IFT43: variants seen among roughly 807,000 people sequenced by gnomAD.
The protein encoded by IFT43 is intraflagellar transport 43.
A neutral mutation model predicts 32.3 loss-of-function variants in IFT43; 33 were observed. The observed-to-expected ratio is 1.02, with a 90% CI of 0.77 to 1.37. The LOEUF is 1.37. Among genes scored for constraint, IFT43 ranks in the 40% most tolerant of loss-of-function variants. The probability of loss-of-function intolerance (pLI) is 0.00; values close to 1 mark genes in which losing one functional copy is unlikely to be tolerated. For synonymous variants in IFT43, 93 were observed against 98.2 expected (o/e 0.95, Z 0.31); for missense variants, 274 against 265.9 (o/e 1.03, Z -0.21).
chr14:75,999,282 T>A (rs1402152439), intron 2 of IFT43, among the ~76,000 whole-genome samples: 2 of 26,548 alleles, frequency 7.5e-5, no homozygotes, highest in Non-Finnish European at 1.3e-4. Context: ...TGTATATATA[T>A]TTTTTTTTTT....
chr14:75,990,422 A>C (rs2035614431), intron 2 of IFT43, among the ~76,000 whole-genome samples: 1 of 152,170 alleles, frequency 6.6e-6, no homozygotes, highest in Non-Finnish European at 1.5e-5. Flanking sequence ...TTGTATTCTA[A>C]TTGTTTACAT....
At chr14:76,067,716 A>G (rs886332849) in intron 5 of IFT43, among the ~76,000 whole-genome samples, 4 of 152,210 alleles carry the variant, frequency 2.6e-5, no homozygotes, top group Non-Finnish European at 4.4e-5. Flanking sequence ...TATTTACAAG[A>G]CCATGACCAG....
intron 4 of IFT43, chr14:76,059,000 A>G: frequency 2.1e-6 from 3 of 1,427,336 alleles, no homozygotes; most frequent in Non-Finnish European, 2.7e-6. Flanking sequence ...TTGCCTTCTC[A>G]TAAGACTTAT....
At chr14:76,083,363 T>C in intron 8 of IFT43, 74 bp downstream of exon 8, 2 of 1,612,100 alleles carry the variant, frequency 1.2e-6, no homozygotes, top group Non-Finnish European at 1.7e-6. Context: ...CGGGCTGGCC[T>C]GTGCCTCCCT....
chr14:76,043,734 A>T (rs1045979494), intron 3 of IFT43, among the ~76,000 whole-genome samples: 1 of 152,202 alleles, frequency 6.6e-6, no homozygotes, highest in African/African-American at 2.4e-5. Flanking sequence ...TTCTCCATAC[A>T]CTATAGCCAG....
intron 3 of IFT43, among the ~76,000 whole-genome samples, chr14:76,027,276 A>C (rs2036416202): frequency 6.6e-6 from 1 of 152,058 alleles, no homozygotes; most frequent in Non-Finnish European, 1.5e-5. Flanking sequence ...AAAAATATTT[A>C]CTTCCAATTT....
intron 5 of IFT43, among the ~76,000 whole-genome samples, chr14:76,070,453 TAGTA>T (rs1277899256): frequency 6.6e-6 from 1 of 152,224 alleles, no homozygotes; most frequent in Non-Finnish European, 1.5e-5. Context: ...CACTCTCACT[TAGTA>T]AGAACATTTC....
intron 3 of IFT43, among the ~76,000 whole-genome samples, chr14:76,052,364 T>C (rs1388633957): frequency 6.6e-6 from 1 of 152,190 alleles, no homozygotes. Context: ...ACATAACCCA[T>C]GTAGCAGCAG....
rs1485667060 is a variant in IFT43, at chr14:76,082,629, G to A, written c.381G>A (p.Lys127=). ...CTCTTTCCTTCAGCATCCAGATAAA[G>A]CGGGTGATGACCTACCGTGACCTGG... ...QVAAPPSIQI[K]RVMTYRDLDN... The change falls in exon 7 of 9, where the codon AAG becomes AAA. Residue 127 remains lysine, a synonymous_variant. Transcript: ENST00000314067. 1 of 1,614,172 alleles carries A rather than the reference G, an allele frequency of 6.2e-7. No individual in the cohort carries two copies. The highest frequency in any genetic ancestry group is 8.5e-7 in the Non-Finnish European group (1 of 1,180,034).
At chr14:75,996,612 G>A (rs1048569725) in intron 2 of IFT43, among the ~76,000 whole-genome samples, 3 of 152,204 alleles carry the variant, frequency 2.0e-5, no homozygotes, top group African/African-American at 7.2e-5. Flanking sequence ...TGTGCCACTT[G>A]AGACCCATTT....
At chr14:76,001,714 C>A (rs1046731506) in intron 2 of IFT43, among the ~76,000 whole-genome samples, 2 of 152,136 alleles carry the variant, frequency 1.3e-5, no homozygotes, top group African/African-American at 4.8e-5. Context: ...TATGAACAAA[C>A]AGACATTTAT....
At chr14:76,047,260 T>G (rs991938228) in intron 3 of IFT43, among the ~76,000 whole-genome samples, 3 of 152,182 alleles carry the variant, frequency 2.0e-5, no homozygotes, top group African/African-American at 7.2e-5. Context: ...GGCCTGAGAT[T>G]AGAGCTCAGC....
chr14:76,021,128 G>T (rs1186118484), intron 2 of IFT43, among the ~76,000 whole-genome samples: 2 of 152,058 alleles, frequency 1.3e-5, no homozygotes, highest in African/African-American at 4.8e-5. Flanking sequence ...TGTGTGTGCT[G>T]GCAGTGGTGG....
intron 3 of IFT43, among the ~76,000 whole-genome samples, chr14:76,025,096 A>G (rs1410598044): frequency 1.3e-5 from 2 of 152,218 alleles, no homozygotes; most frequent in African/African-American, 2.4e-5. Context: ...AAAAAAATAT[A>G]TATACCAGTG....
intron 7 of IFT43, 120 bp downstream of exon 7, chr14:76,082,812 C>T: frequency 1.2e-6 from 1 of 800,560 alleles, no homozygotes; most frequent in Non-Finnish European, 2.2e-6. Context: ...AGGCTGCCTG[C>T]CTGGCACCCA....
chr14:76,056,330 T>C (rs565331039), intron 3 of IFT43, among the ~76,000 whole-genome samples: 12 of 152,282 alleles, frequency 7.9e-5, no homozygotes, highest in Non-Finnish European at 8.8e-5. Flanking sequence ...CTTCCTCTGT[T>C]GGGAGAAAAG....
At chr14:76,001,041 C>G (rs1421740695) in intron 2 of IFT43, among the ~76,000 whole-genome samples, 1 of 152,136 alleles carries the variant, frequency 6.6e-6, no homozygotes, top group East Asian at 1.9e-4. Flanking sequence ...TATGAAGAAC[C>G]TATAGCATGA....
intron 5 of IFT43, 75 bp downstream of exon 5, chr14:76,059,448 A>G: frequency 7.2e-7 from 1 of 1,389,280 alleles, no homozygotes. Context: ...CAGCTAAGGC[A>G]CTGTTGGCTG....
chr14:76,068,945 A>G (rs1241978530), intron 5 of IFT43, among the ~76,000 whole-genome samples: 1 of 152,204 alleles, frequency 6.6e-6, no homozygotes. Context: ...CAGGGCTTAA[A>G]CAAATAGTCA....
Sources: gnomAD v4.1 joint callset for allele counts (sites outside exome capture counted in the v4.1 genomes callset) on GRCh38, gnomAD v4.1.1 for gene constraint, MANE v1.5 for transcripts, NCBI Gene and HGNC (gene_info 2026-07-23, HGNC 2026-07-21) for gene names.